Variants in FGF12 observed in about 807,000 individuals in gnomAD.
FGF12 encodes the protein fibroblast growth factor 12B.
Under a neutral mutation model 23.6 loss-of-function variants are expected in FGF12, and 14 were observed. That is an observed-to-expected ratio of 0.59 (90% CI 0.39 to 0.93). The LOEUF is 0.93. Among genes scored for constraint, FGF12 ranks in the 40% least tolerant of loss-of-function variants. The pLI, the probability that FGF12 is intolerant of heterozygous loss-of-function variation, is 0.00. For synonymous variants in FGF12, 62 were observed against 77.3 expected (o/e 0.80, Z 1.04); for missense variants, 175 against 217.8 (o/e 0.80, Z 1.24).
At chr3:192,460,063 A>G (rs1056276865) in intron 2 of FGF12, among the ~76,000 whole-genome samples, 1 of 152,174 alleles carries the variant, frequency 6.6e-6, no homozygotes, top group African/African-American at 2.4e-5. Context: ...GATAATGCAA[A>G]TACTTACAAA....
At chr3:192,556,756 T>C (rs1163457666) in intron 2 of FGF12, among the ~76,000 whole-genome samples, 1 of 152,242 alleles carries the variant, frequency 6.6e-6, no homozygotes. Context: ...ATAGATCACG[T>C]GTTGGGTCGC....
chr3:192,199,685 A>G (rs1717259874), intron 4 of FGF12, among the ~76,000 whole-genome samples: 1 of 152,212 alleles, frequency 6.6e-6, no homozygotes, highest in Non-Finnish European at 1.5e-5. Flanking sequence ...GATGCAATAA[A>G]TGATATTCCT....
At chr3:192,207,496 G>A (rs1444191356) in intron 4 of FGF12, among the ~76,000 whole-genome samples, 3 of 152,144 alleles carry the variant, frequency 2.0e-5, no homozygotes, top group Non-Finnish European at 2.9e-5. Context: ...GAGCGATCCC[G>A]GCATAGCCAA....
chr3:192,368,170 G>A (rs1387129936), intron 2 of FGF12, among the ~76,000 whole-genome samples: 1 of 151,978 alleles, frequency 6.6e-6, no homozygotes, highest in Non-Finnish European at 1.5e-5. Context: ...GATTTCCACA[G>A]TGCAACTACT....
intron 2 of FGF12, among the ~76,000 whole-genome samples, chr3:192,564,060 T>TTTTG (rs572564017): frequency 1.3e-5 from 2 of 151,744 alleles, no homozygotes; most frequent in African/African-American, 2.4e-5. Flanking sequence ...TGTTTTTTGT[T>TTTTG]TTTGTTTGTT....
chr3:192,165,319 A>AT (rs1286361607), intron 5 of FGF12, among the ~76,000 whole-genome samples: 2 of 152,076 alleles, frequency 1.3e-5, no homozygotes, highest in Non-Finnish European at 2.9e-5. Context: ...ATTAAAAAAA[A>AT]AAATCACAAA....
chr3:192,675,312 A>T (rs1717289523), intron 2 of FGF12, among the ~76,000 whole-genome samples: 1 of 152,070 alleles, frequency 6.6e-6, no homozygotes, highest in Admixed American at 6.5e-5. Flanking sequence ...AAAAAAAAAA[A>T]GTCCTACTTT....
chr3:192,567,342 G>A (rs1253440414), intron 2 of FGF12, among the ~76,000 whole-genome samples: 1 of 151,810 alleles, frequency 6.6e-6, no homozygotes, highest in Non-Finnish European at 1.5e-5. Flanking sequence ...ATTCCTCACC[G>A]AAGTTGGAGA....
intron 2 of FGF12, among the ~76,000 whole-genome samples, chr3:192,539,502 T>G (rs1725312839): frequency 6.6e-6 from 1 of 152,190 alleles, no homozygotes; most frequent in Admixed American, 6.5e-5. Context: ...AACTTGGTCA[T>G]GATGAATGAT....
chr3:192,487,126 A>G (rs937849439), intron 2 of FGF12, among the ~76,000 whole-genome samples: 6 of 152,064 alleles, frequency 3.9e-5, no homozygotes, highest in African/African-American at 1.2e-4. Flanking sequence ...CTGTGATTTC[A>G]TATTTGTCAC....
intron 2 of FGF12, among the ~76,000 whole-genome samples, chr3:192,660,196 T>C (rs1274445912): frequency 2.7e-5 from 4 of 150,530 alleles, no homozygotes; most frequent in Non-Finnish European, 5.9e-5. Context: ...AAGGATGAGT[T>C]CATGTCCTTT....
chr3:192,641,144 C>T (rs1399193901), intron 2 of FGF12, among the ~76,000 whole-genome samples: 4,144 of 40,272 alleles, frequency 0.1, 129 homozygotes, highest in Middle Eastern at 0.16. Flanking sequence ...CTCACTCTGT[C>T]GCCCAGGCTG....
intron 2 of FGF12, among the ~76,000 whole-genome samples, chr3:192,459,607 A>T (rs1164766011): frequency 2.0e-5 from 3 of 152,202 alleles, no homozygotes; most frequent in Non-Finnish European, 4.4e-5. Flanking sequence ...ATCATTCTGC[A>T]TGAGCCTTGT....
chr3:192,667,049 T>G (rs758304274), intron 2 of FGF12, among the ~76,000 whole-genome samples: 12 of 152,172 alleles, frequency 7.9e-5, no homozygotes, highest in Non-Finnish European at 1.8e-4. Context: ...CATGATACAA[T>G]TCACAAAGTC....
At chr3:192,371,087 G>C (rs1719206774) in intron 2 of FGF12, among the ~76,000 whole-genome samples, 1 of 152,194 alleles carries the variant, frequency 6.6e-6, no homozygotes, top group South Asian at 2.1e-4. Context: ...ACCCAGAGAA[G>C]TAGACCTGGA....
intron 2 of FGF12, among the ~76,000 whole-genome samples, chr3:192,503,034 T>C (rs950603508): frequency 1.3e-5 from 2 of 152,256 alleles, no homozygotes; most frequent in African/African-American, 4.8e-5. Context: ...GCAAAGTTCT[T>C]GCGCCTCAGC....
intron 2 of FGF12, among the ~76,000 whole-genome samples, chr3:192,483,469 T>C (rs1723538789): frequency 6.6e-6 from 1 of 152,226 alleles, no homozygotes; most frequent in Non-Finnish European, 1.5e-5. Flanking sequence ...AAAGGCTTTA[T>C]GAACAGAATT....
chr3:192,378,026 T>TTTCTTTCTTTCTTTCTTTCTTTC (rs1553804997), intron 2 of FGF12, among the ~76,000 whole-genome samples: 1 of 69,442 alleles, frequency 1.4e-5, no homozygotes, highest in Admixed American at 1.4e-4. Context: ...TGACTCTTTC[T>TTTCTTTCTTTCTTTCTTTCTTTC]TTTCTTTCTT....
chr3:192,598,790 G>C (rs1713972584), intron 2 of FGF12, among the ~76,000 whole-genome samples: 1 of 152,124 alleles, frequency 6.6e-6, no homozygotes, highest in Non-Finnish European at 1.5e-5. Flanking sequence ...CCAAAGAGTG[G>C]AGTGGATTAG....
Sources: allele counts gnomAD v4.1 joint callset (sites outside exome capture counted in the v4.1 genomes callset), GRCh38; gene constraint gnomAD v4.1.1; transcripts MANE v1.5; gene names NCBI Gene and HGNC (gene_info 2026-07-23, HGNC 2026-07-21).